The following GLIS3 variants were observed in gnomAD, a reference collection of about 807,000 sequenced individuals.
GLIS3 encodes the protein GLIS family zinc finger 3, also known as zinc finger protein GLIS3.
In GLIS3, 53 loss-of-function variants were observed where a neutral mutation model predicts 78.6. The observed-to-expected ratio is 0.67, with a 90% confidence interval of 0.54 to 0.85. The LOEUF (loss-of-function observed/expected upper bound fraction) is 0.85. GLIS3 is among the 40% of genes least tolerant of loss of function. The pLI, the probability that GLIS3 is intolerant of heterozygous loss-of-function variation, is 0.00. For synonymous variants in GLIS3, 684 were observed against 509.9 expected, an observed-to-expected ratio of 1.34 and a Z score of -4.60; for missense variants, 1,703 against 1,231.1, an observed-to-expected ratio of 1.38 and a Z score of -5.74.
At chr9:4,375,987 T>A in the GLIS3 span, among the ~76,000 whole-genome samples, 48,085 of 152,204 alleles carry the variant, frequency 0.32, 7,800 homozygotes, top group South Asian at 0.44. Context: ...TAAAAGAAAG[T>A]GAGTCCCTGA....
chr9:4,167,449 C>T (rs1004813818), intron 2 of GLIS3, among the ~76,000 whole-genome samples: 2 of 152,100 alleles, frequency 1.3e-5, no homozygotes, highest in Non-Finnish European at 2.9e-5. Flanking sequence ...CACATATATC[C>T]TCACATAAGC....
In GLIS3 at chr9:4,012,426, A is replaced by G. The variant is rs373951326; in HGVS notation, c.1711-75237T>C. On this transcript the variant is annotated intron_variant, in intron 4 of 10. Coordinates refer to ENST00000381971, the MANE Select transcript of GLIS3 (RefSeq NM_001042413.2). ...TTATATGTCTTTTTTTACCTGTATC[A>G]GGGGAAAAAAATAGACCCACACACA... is the stretch of plus-strand genomic sequence containing the variant. Among the ~76,000 whole-genome samples, 8 of 152,114 alleles carry G rather than the reference A, an allele frequency of 5.3e-5. 1 individual carries two copies. The highest frequency in any genetic ancestry group is 1.9e-4 in the African/African-American group (8 of 41,478).
intron 2 of GLIS3, among the ~76,000 whole-genome samples, chr9:4,164,989 T>C (rs1295892972): frequency 6.6e-6 from 1 of 152,202 alleles, no homozygotes; most frequent in Non-Finnish European, 1.5e-5. Flanking sequence ...TAAGGTATCA[T>C]GCTTTGCTTT....
At position 3,845,602 on chromosome 9, in the gene GLIS3, G is replaced by A. The variant is rs955865166; in HGVS notation, c.2473+10407C>T. On this transcript the variant is annotated intron_variant, in intron 9 of 10. Coordinates refer to ENST00000381971, the MANE Select transcript of GLIS3 (RefSeq NM_001042413.2). ...AATTTGTAAATTGTATGTAAGGACT[G>A]TGCTAAAAGCCCAGGAACCCAGGTT... Among the ~76,000 whole-genome samples the A allele has an allele frequency of 5.9e-5, 9 of 152,162 alleles. No individual in the cohort carries two copies. In the East Asian group the frequency reaches 1.7e-3, roughly 29 times the overall value.
In GLIS3 at chr9:4,249,251, T is replaced by A. The variant is rs113359231; in HGVS notation, c.388+36787A>T. On this transcript the variant is annotated intron_variant, in intron 2 of 10. Coordinates refer to ENST00000381971, the MANE Select transcript of GLIS3 (RefSeq NM_001042413.2). Reference sequence around the variant, plus strand: ...TCAAGATATTGATTCTTCCTATCCATGAACATGGAATGTCCTTCCCTTTGT... The same window carrying A: ...TCAAGATATTGATTCTTCCTATCCAAGAACATGGAATGTCCTTCCCTTTGT... Among the ~76,000 whole-genome samples, 12 of 152,322 alleles carry A rather than the reference T, an allele frequency of 7.9e-5. No homozygotes were observed. The South Asian group carries it at 2.5e-3, about 32-fold the overall frequency.
At chr9:4,362,935 G>T in the GLIS3 span, among the ~76,000 whole-genome samples, 19 of 152,008 alleles carry the variant, frequency 1.2e-4, no homozygotes, top group Non-Finnish European at 2.6e-4. Context: ...AGATGAAGAA[G>T]GTAGCAAGGG....
At chr9:4,332,287 G>T (rs965842126) in intron 2 of GLIS3, among the ~76,000 whole-genome samples, 6 of 152,072 alleles carry the variant, frequency 3.9e-5, no homozygotes, top group African/African-American at 1.4e-4. Context: ...GTGTAGAATT[G>T]GGCTAGGTTT....
At chr9:4,415,102 C>T in the GLIS3 span, among the ~76,000 whole-genome samples, 3 of 152,144 alleles carry the variant, frequency 2.0e-5, no homozygotes, top group Non-Finnish European at 4.4e-5. Flanking sequence ...AATAAGCTTA[C>T]ATTTTCTGAA....
intron 7 of GLIS3, among the ~76,000 whole-genome samples, chr9:3,883,692 T>TTGTC (rs1299999829): frequency 3.9e-5 from 6 of 152,152 alleles, no homozygotes; most frequent in Admixed American, 3.9e-4. Flanking sequence ...GCAGCCTTCA[T>TTGTC]TGTCTGTGTC....
chr9:4,358,448 G>A, the GLIS3 span, among the ~76,000 whole-genome samples: 1 of 152,132 alleles, frequency 6.6e-6, no homozygotes, highest in African/African-American at 2.4e-5. Context: ...CTCATTTCAT[G>A]GTATAGTTTT....
At chr9:4,006,442 T>C (rs530140211) in intron 4 of GLIS3, among the ~76,000 whole-genome samples, 1 of 151,152 alleles carries the variant, frequency 6.6e-6, no homozygotes, top group Non-Finnish European at 1.5e-5. Flanking sequence ...GATAAAAACA[T>C]GCCATTATTT....
chr9:4,112,935 T>C (rs1831339495), intron 4 of GLIS3, among the ~76,000 whole-genome samples: 1 of 152,106 alleles, frequency 6.6e-6, no homozygotes, highest in Non-Finnish European at 1.5e-5. Flanking sequence ...ATTTCTTTCC[T>C]TTTGAGATGT....
At chr9:4,369,347 C>G in the GLIS3 span, among the ~76,000 whole-genome samples, 1 of 152,148 alleles carries the variant, frequency 6.6e-6, no homozygotes, top group African/African-American at 2.4e-5. Flanking sequence ...AATATTTAAC[C>G]TGCCTGATTC....
At chr9:3,865,221 C>T (rs1446822519) in intron 8 of GLIS3, among the ~76,000 whole-genome samples, 1 of 152,194 alleles carries the variant, frequency 6.6e-6, no homozygotes, top group Non-Finnish European at 1.5e-5. Context: ...TGAACTTTGC[C>T]TCTGGGTTTC....
intron 2 of GLIS3, among the ~76,000 whole-genome samples, chr9:4,337,345 CA>C (rs1196702068): frequency 6.6e-6 from 1 of 152,124 alleles, no homozygotes; most frequent in Non-Finnish European, 1.5e-5. Context: ...TAATTAAATA[CA>C]GCCATATGAT....
the GLIS3 span, among the ~76,000 whole-genome samples, chr9:4,380,537 T>A: frequency 6.6e-6 from 1 of 152,188 alleles, no homozygotes; most frequent in Admixed American, 6.5e-5. Context: ...TTTTGCATAA[T>A]CAGAATCACA....
At chr9:3,901,868 A>G (rs1304297934) in intron 6 of GLIS3, among the ~76,000 whole-genome samples, 1 of 152,148 alleles carries the variant, frequency 6.6e-6, no homozygotes, top group Non-Finnish European at 1.5e-5. Flanking sequence ...GTGTAAGAAA[A>G]ACTGGAAAAA....
At chr9:4,274,198 T>C (rs1826782393) in intron 2 of GLIS3, among the ~76,000 whole-genome samples, 1 of 152,186 alleles carries the variant, frequency 6.6e-6, no homozygotes, top group Non-Finnish European at 1.5e-5. Flanking sequence ...GTTGTTTCCC[T>C]ACAGCAATGC....
At chr9:4,378,070 A>G in the GLIS3 span, among the ~76,000 whole-genome samples, 2 of 152,238 alleles carry the variant, frequency 1.3e-5, no homozygotes, top group Non-Finnish European at 2.9e-5. Flanking sequence ...TTAAAAGATT[A>G]GAATGATCGT....
Sources: gnomAD v4.1 joint callset for allele counts (sites outside exome capture counted in the v4.1 genomes callset) on GRCh38, gnomAD v4.1.1 for gene constraint, MANE v1.5 for transcripts, NCBI Gene and HGNC (gene_info 2026-07-23, HGNC 2026-07-21) for gene names.